Variants in ABCA13 observed in about 807,000 individuals in gnomAD.
The protein encoded by ABCA13 is ATP binding cassette subfamily A member 13.
A neutral mutation model predicts 478.7 loss-of-function variants in ABCA13; 476 were observed. The observed-to-expected ratio is 0.99, with a 90% CI of 0.92 to 1.07. ABCA13 has a LOEUF of 1.07. ABCA13 is among the 50% of genes least tolerant of loss of function. The pLI is 0.00. For synonymous variants in ABCA13, 2,252 were observed against 2,158.9 expected, an observed-to-expected ratio of 1.04 and a Z score of -1.20; for missense variants, 6,060 against 5,910.6, an observed-to-expected ratio of 1.03 and a Z score of -0.83.
rs997999794 is a variant in ABCA13 at position 48,647,251 on chromosome 7, G to T, written c.*1739G>T. The T allele has an allele frequency of 2.6e-5, 4 of 152,102 alleles. No individual in the cohort carries two copies. Among genetic ancestry groups the T allele is most frequent in the Non-Finnish European group, 4.4e-5 (3 of 68,010 alleles). 9.4% of individuals were successfully genotyped at this position (152,102 alleles called of 1,614,324 possible). A position where few individuals can be genotyped will look rare whatever the true frequency, so the allele number is the denominator to read the frequency against. On this transcript the variant is annotated 3_prime_UTR_variant, in exon 62 of 62. Transcript: ENST00000435803. ...CAAAAGATATTTTTTAAACGGTAAG[G>T]ATTAAGACAATCACTGATAGCTTTG...
At chr7:48,532,284 A>G (rs1833292664) in intron 55 of ABCA13, among the ~76,000 whole-genome samples, 1 of 152,082 alleles carries the variant, frequency 6.6e-6, no homozygotes, top group African/African-American at 2.4e-5. Context: ...AATTCTGTTT[A>G]TGTGGTGTAT....
chr7:48,240,789 G>A (rs1314594488), intron 9 of ABCA13, 78 bp from the exon 10 acceptor site: 14 of 1,235,650 alleles, frequency 1.1e-5, no homozygotes, highest in East Asian at 2.7e-5. Flanking sequence ...AGAGTGGTAT[G>A]TTAATATTTC....
intron 39 of ABCA13, among the ~76,000 whole-genome samples, chr7:48,409,906 C>A (rs1298858101): frequency 6.8e-6 from 1 of 146,970 alleles, no homozygotes; most frequent in Non-Finnish European, 1.5e-5. Context: ...ATGATGAAAT[C>A]CCATGTCTAC....
intron 29 of ABCA13, among the ~76,000 whole-genome samples, chr7:48,340,754 A>C (rs921258704): frequency 2.0e-5 from 3 of 152,206 alleles, no homozygotes; most frequent in Non-Finnish European, 4.4e-5. Flanking sequence ...CTTAGCCAAC[A>C]CTACTTTTGA....
At chr7:48,178,993 AT>A (rs1562709516) in intron 1 of ABCA13, among the ~76,000 whole-genome samples, 1 of 147,424 alleles carries the variant, frequency 6.8e-6, no homozygotes, top group Admixed American at 6.8e-5. Context: ...AATAATAATA[AT>A]AATAATAATA....
intron 27 of ABCA13, among the ~76,000 whole-genome samples, chr7:48,324,257 C>T (rs1040142575): frequency 6.6e-6 from 1 of 152,160 alleles, no homozygotes; most frequent in Admixed American, 6.5e-5. Flanking sequence ...GCCATCTTCT[C>T]TTTGTGTCCT....
chr7:48,240,812 T>A (rs959074291), intron 9 of ABCA13, 55 bp from the exon 10 acceptor site: 1 of 1,395,616 alleles, frequency 7.2e-7, no homozygotes, highest in African/African-American at 1.4e-5. Context: ...AACTAAATAC[T>A]GTTCTTTCCA....
At chr7:48,594,607 G>A in intron 57 of ABCA13, 103 bp from the exon 58 acceptor site, 1 of 1,020,928 alleles carries the variant, frequency 9.8e-7, no homozygotes. Flanking sequence ...TAGAGCCAGA[G>A]CAGAGATTTT....
intron 57 of ABCA13, among the ~76,000 whole-genome samples, chr7:48,592,991 A>G (rs567810865): frequency 2.6e-5 from 4 of 152,102 alleles, no homozygotes; most frequent in African/African-American, 4.8e-5. Flanking sequence ...TGCAAACAGC[A>G]TAAGATTGGA....
At chr7:48,598,443 C>G (rs1158758219) in intron 58 of ABCA13, among the ~76,000 whole-genome samples, 1 of 152,118 alleles carries the variant, frequency 6.6e-6, no homozygotes, top group Non-Finnish European at 1.5e-5. Flanking sequence ...GGGTAAATAC[C>G]AAGGAATGTG....
intron 61 of ABCA13, 87 bp downstream of exon 61, chr7:48,644,841 T>A: frequency 7.8e-7 from 1 of 1,277,044 alleles, no homozygotes; most frequent in Non-Finnish European, 1.1e-6. Context: ...ATCGAATTGC[T>A]TCAATTCACC....
chr7:48,423,572 A>G (rs1212280109), intron 41 of ABCA13, among the ~76,000 whole-genome samples: 4 of 152,296 alleles, frequency 2.6e-5, no homozygotes, highest in African/African-American at 9.6e-5. Context: ...TGATAGCACA[A>G]TCAGTGTAGA....
intron 23 of ABCA13, among the ~76,000 whole-genome samples, chr7:48,299,557 A>C (rs1376528496): frequency 1.3e-5 from 2 of 152,060 alleles, no homozygotes; most frequent in African/African-American, 4.8e-5. Context: ...AGAAACAATG[A>C]AGATTTTTGG....
At chr7:48,293,199 C>CCCCG (rs1554419732) in intron 20 of ABCA13, among the ~76,000 whole-genome samples, 3 of 135,752 alleles carry the variant, frequency 2.2e-5, no homozygotes, top group African/African-American at 2.6e-5. Flanking sequence ...TCAGCCCCCC[C>CCCCG]CCCGCCACAC....
chr7:48,489,371 T>C (rs779683517), intron 48 of ABCA13, 27 bp downstream of exon 48: 1 of 1,508,030 alleles, frequency 6.6e-7, no homozygotes, highest in Non-Finnish European at 9.1e-7. Flanking sequence ...TGCATTGTAA[T>C]TCACTACTTT....
At chr7:48,446,876 G>A (rs1206598516) in intron 42 of ABCA13, among the ~76,000 whole-genome samples, 1 of 152,196 alleles carries the variant, frequency 6.6e-6, no homozygotes, top group African/African-American at 2.4e-5. Context: ...GCAGCAGAAA[G>A]CTAATGGCAG....
chr7:48,480,802 G>T (rs1344537780), intron 45 of ABCA13, among the ~76,000 whole-genome samples: 1 of 152,128 alleles, frequency 6.6e-6, no homozygotes, highest in Non-Finnish European at 1.5e-5. Context: ...ATACAGAAAA[G>T]GATTTGAAGT....
At chr7:48,231,878 T>C (rs922849067) in intron 7 of ABCA13, among the ~76,000 whole-genome samples, 9 of 152,068 alleles carry the variant, frequency 5.9e-5, no homozygotes, top group African/African-American at 2.2e-4. Context: ...GCCAGGCTGG[T>C]CTCAAACTCC....
At chr7:48,525,670 C>CTTTTTTTTTTTTTTTTTTTTTTT (rs538127881) in intron 54 of ABCA13, among the ~76,000 whole-genome samples, 2 of 68,306 alleles carry the variant, frequency 2.9e-5, no homozygotes, top group Non-Finnish European at 5.7e-5. Context: ...TTTAGATGCG[C>CTTTTTTTTTTTTTTTTTTTTTTT]TTTTTTTTTT....
Sources: allele counts gnomAD v4.1 joint callset (sites outside exome capture counted in the v4.1 genomes callset), GRCh38; gene constraint gnomAD v4.1.1; transcripts MANE v1.5; gene names NCBI Gene and HGNC (gene_info 2026-07-23, HGNC 2026-07-21).